Variants in MALRD1 observed in about 807,000 individuals in gnomAD.
MALRD1 encodes MAM and LDL receptor class A domain containing 1, also known as MAM and LDL-receptor class A domain-containing protein 1.
MALRD1 carries 247 observed loss-of-function variants against 242.1 expected under a neutral mutation model. That is an observed-to-expected ratio of 1.02 (90% CI 0.92 to 1.13). The LOEUF is 1.13. MALRD1 is among the 50% of genes most tolerant of loss of function. The pLI is 0.00. For missense variants in MALRD1, 2,989 were observed against 2,533.1 expected (o/e 1.18, Z -3.86); for synonymous variants, 995 against 866.6 (o/e 1.15, Z -2.60).
At chr10:19,271,387 C>A (rs1002872325) in intron 19 of MALRD1, among the ~76,000 whole-genome samples, 7 of 152,324 alleles carry the variant, frequency 4.6e-5, no homozygotes, top group Admixed American at 3.9e-4. Context: ...AGCTTCCATT[C>A]ATCTAAAGTT....
At chr10:19,489,262 G>C in intron 29 of MALRD1, 6 of 482,274 alleles carry the variant, frequency 1.2e-5, no homozygotes, top group South Asian at 9.1e-5. Flanking sequence ...AAACAAAAGG[G>C]AAAAGGAGAG....
chr10:19,628,094 C>G (rs1839751315), intron 36 of MALRD1, among the ~76,000 whole-genome samples: 1 of 152,018 alleles, frequency 6.6e-6, no homozygotes, highest in Non-Finnish European at 1.5e-5. Flanking sequence ...CGTTGATATC[C>G]TGTTTTTACC....
intron 32 of MALRD1, among the ~76,000 whole-genome samples, chr10:19,563,251 T>C (rs1162852354): frequency 6.6e-6 from 1 of 152,190 alleles, no homozygotes; most frequent in Non-Finnish European, 1.5e-5. Context: ...TTCATTAATA[T>C]CAGTAGCATT....
chr10:19,463,553 A>AGTGTGTGTGTGTGTGT (rs142025703), intron 29 of MALRD1, among the ~76,000 whole-genome samples: 3 of 150,030 alleles, frequency 2.0e-5, no homozygotes, highest in African/African-American at 7.4e-5. Flanking sequence ...GTGGCTGAGT[A>AGTGTGTGTGTGTGTGT]GTGTGTGTGT....
At chr10:19,124,973 TCTCAATCTGTCA>T (rs1837205787) in intron 7 of MALRD1, among the ~76,000 whole-genome samples, 1 of 102,470 alleles carries the variant, frequency 9.8e-6, no homozygotes, top group Non-Finnish European at 1.8e-5. Context: ...TGAGACAGAG[TCTCAATCTGTCA>T]CCCAGGCTGG....
intron 18 of MALRD1, among the ~76,000 whole-genome samples, chr10:19,256,581 C>T (rs559024778): frequency 6.6e-6 from 1 of 152,148 alleles, no homozygotes; most frequent in East Asian, 1.9e-4. Flanking sequence ...TATTTGCCCA[C>T]TAGTTCTATG....
At chr10:19,088,418 G>A (rs1223740151) in intron 4 of MALRD1, among the ~76,000 whole-genome samples, 4 of 151,542 alleles carry the variant, frequency 2.6e-5, no homozygotes, top group African/African-American at 7.3e-5. Flanking sequence ...TAAAGTTGGT[G>A]TATTTTAAGG....
At chr10:19,509,042 A>G (rs546351556) in intron 31 of MALRD1, among the ~76,000 whole-genome samples, 3 of 152,340 alleles carry the variant, frequency 2.0e-5, no homozygotes, top group Admixed American at 6.5e-5. Context: ...AACAATGAAA[A>G]GCAAAGTGGT....
chr10:19,139,388 A>G (rs1023930390), intron 10 of MALRD1, among the ~76,000 whole-genome samples: 1 of 152,232 alleles, frequency 6.6e-6, no homozygotes, highest in Non-Finnish European at 1.5e-5. Flanking sequence ...TTTTTTTCAT[A>G]AACGATTCTT....
At chr10:19,625,574 G>C (rs1839616922) in intron 36 of MALRD1, among the ~76,000 whole-genome samples, 1 of 152,006 alleles carries the variant, frequency 6.6e-6, no homozygotes, top group South Asian at 2.1e-4. Context: ...TTGGATATGA[G>C]CTCCACTGCT....
At chr10:19,223,589 G>A (rs997142614) in intron 18 of MALRD1, among the ~76,000 whole-genome samples, 1 of 152,052 alleles carries the variant, frequency 6.6e-6, no homozygotes, top group Non-Finnish European at 1.5e-5. Context: ...GGATACATAT[G>A]CAGAACTTGC....
intron 31 of MALRD1, among the ~76,000 whole-genome samples, chr10:19,526,693 G>A (rs1251407760): frequency 6.6e-6 from 1 of 152,048 alleles, no homozygotes; most frequent in African/African-American, 2.4e-5. Flanking sequence ...AATTGGAATG[G>A]TTAGCTTTGA....
At chr10:19,656,726 T>C (rs757380174) in intron 36 of MALRD1, among the ~76,000 whole-genome samples, 21 of 152,172 alleles carry the variant, frequency 1.4e-4, no homozygotes, top group Non-Finnish European at 2.2e-4. Context: ...ATGAGTGGTA[T>C]GATGATTTTA....
chr10:19,561,714 A>G lies in MALRD1; in HGVS notation c.5479-5788A>G, dbSNP rs1299216248. Among the ~76,000 whole-genome samples, 6 of 149,232 alleles carry G rather than the reference A, an allele frequency of 4.0e-5. No individual in the cohort carries two copies. The South Asian group carries it at 1.3e-3, about 32-fold the overall frequency. ...GTGTCCTTTACAATTGCCTCTCAGCATTTTTTTTTTCTTTTTTCTCCTTCT... is the reference window on the plus strand; with the variant it reads ...GTGTCCTTTACAATTGCCTCTCAGCGTTTTTTTTTTCTTTTTTCTCCTTCT... On this transcript the variant is annotated intron_variant, in intron 32 of 39. Transcript: ENST00000454679.
intron 14 of MALRD1, among the ~76,000 whole-genome samples, chr10:19,198,815 G>A (rs1315298012): frequency 6.6e-6 from 1 of 152,072 alleles, no homozygotes; most frequent in Admixed American, 6.6e-5. Flanking sequence ...TATATAGACA[G>A]CTTTAAAATA....
intron 33 of MALRD1, among the ~76,000 whole-genome samples, chr10:19,581,205 CTTTATTTA>C (rs139388555): frequency 3.0e-4 from 44 of 148,980 alleles, no homozygotes; most frequent in Non-Finnish European, 4.6e-4. Flanking sequence ...TTCTTGTAAT[CTTTATTTA>C]TTTATTTATT....
At chr10:19,656,945 T>G (rs950474935) in intron 36 of MALRD1, among the ~76,000 whole-genome samples, 1 of 152,220 alleles carries the variant, frequency 6.6e-6, no homozygotes, top group African/African-American at 2.4e-5. Context: ...TATTTTTAAT[T>G]TAGAGGATCT....
intron 29 of MALRD1, among the ~76,000 whole-genome samples, chr10:19,490,398 G>A (rs903947681): frequency 9.3e-5 from 14 of 151,030 alleles, no homozygotes; most frequent in African/African-American, 3.4e-4. Flanking sequence ...ATTAAATCTG[G>A]AACAATGTTT....
At chr10:19,547,799 TATATATATATATA>T (rs1835280428) in intron 32 of MALRD1, among the ~76,000 whole-genome samples, 2 of 13,674 alleles carry the variant, frequency 1.5e-4, no homozygotes, top group African/African-American at 4.3e-4. Context: ...TATATATATA[TATATATATATATA>T]TATATATTTT....
Sources: allele counts gnomAD v4.1 joint callset (sites outside exome capture counted in the v4.1 genomes callset), GRCh38; gene constraint gnomAD v4.1.1; transcripts MANE v1.5; gene names NCBI Gene and HGNC (gene_info 2026-07-23, HGNC 2026-07-21).